Variants in UGT2B7 observed in about 807,000 individuals in gnomAD.
UGT2B7 encodes UDP-glucuronosyltransferase 2B7.
UGT2B7 carries 51 observed loss-of-function variants against 51.9 expected under a neutral mutation model. The ratio of observed to expected loss-of-function variants is 0.98; its 90% confidence interval spans 0.78 to 1.24. UGT2B7 has a LOEUF of 1.24. Ranked by LOEUF, UGT2B7 falls within the 50% of genes most tolerant of loss-of-function variation. The pLI is 0.00. For synonymous variants in UGT2B7, 225 were observed against 211.6 expected, an observed-to-expected ratio of 1.06 and a Z score of -0.55; for missense variants, 727 against 628.4, an observed-to-expected ratio of 1.16 and a Z score of -1.68.
chr4:69,093,145 T>C (rs1438695442), upstream of UGT2B7, among the ~76,000 whole-genome samples: 1 of 152,028 alleles, frequency 6.6e-6, no homozygotes, highest in Non-Finnish European at 1.5e-5. Flanking sequence ...CTAAGAACAA[T>C]GGTGGAAATG....
intron 1 of UGT2B7, among the ~76,000 whole-genome samples, chr4:69,082,213 C>A (rs1560504351): frequency 6.6e-6 from 1 of 151,908 alleles, no homozygotes; most frequent in East Asian, 1.9e-4. Flanking sequence ...TTTCCTGAGA[C>A]ACAACAACAT....
intron 1 of UGT2B7, among the ~76,000 whole-genome samples, chr4:69,074,803 T>C (rs1272637800): frequency 2.6e-5 from 4 of 152,152 alleles, no homozygotes. Flanking sequence ...CAAGCATCTA[T>C]TCATAGAATT....
chr4:69,107,319 A>G, intron 4 of UGT2B7, 57 bp downstream of exon 4: 1 of 1,499,934 alleles, frequency 6.7e-7, no homozygotes, highest in Middle Eastern at 1.8e-4. Context: ...TAGAGTGTTA[A>G]TAGTTCATCA....
chr4:69,088,303 T>C (rs1006838336), intron 1 of UGT2B7, among the ~76,000 whole-genome samples: 1 of 151,436 alleles, frequency 6.6e-6, no homozygotes, highest in African/African-American at 2.4e-5. Flanking sequence ...TTTCCACTTC[T>C]TTGCAAAATT....
intron 1 of UGT2B7, among the ~76,000 whole-genome samples, chr4:69,083,593 T>C (rs1285984421): frequency 6.6e-6 from 1 of 152,078 alleles, no homozygotes; most frequent in African/African-American, 2.4e-5. Context: ...ATTGTAAAGA[T>C]CTTATATTTT....
At chr4:69,062,549 G>T (rs1055773577) in intron 1 of UGT2B7, among the ~76,000 whole-genome samples, 4 of 152,076 alleles carry the variant, frequency 2.6e-5, no homozygotes, top group Admixed American at 1.3e-4. Context: ...TGTTAAAATT[G>T]CAGGTATCGT....
intron 1 of UGT2B7, among the ~76,000 whole-genome samples, 174 bp from the exon 2 acceptor site, chr4:69,098,366 G>A (rs945978073): frequency 7.9e-5 from 12 of 151,748 alleles, no homozygotes; most frequent in African/African-American, 2.7e-4. Flanking sequence ...ATACACATGG[G>A]CAAAATATGT....
intron 4 of UGT2B7, 124 bp from the exon 5 acceptor site, chr4:69,107,979 T>C (rs1372665607): frequency 7.7e-7 from 1 of 1,296,446 alleles, no homozygotes; most frequent in Non-Finnish European, 1.1e-6. Flanking sequence ...TCCTCCGAAG[T>C]CTGAAACACA....
intron 1 of UGT2B7, chr4:69,067,510 G>C (rs533581564): frequency 6.4e-6 from 1 of 155,872 alleles, no homozygotes; most frequent in Admixed American, 6.5e-5. Context: ...GCAGATCAAC[G>C]TGACAACTTT....
chr4:69,062,657 G>C (rs941413831), intron 1 of UGT2B7, among the ~76,000 whole-genome samples: 1 of 152,148 alleles, frequency 6.6e-6, no homozygotes, highest in Non-Finnish European at 1.5e-5. Context: ...CCTGCAATGA[G>C]ACCACATTGC....
intron 1 of UGT2B7, among the ~76,000 whole-genome samples, chr4:69,085,973 G>T (rs2109876498): frequency 6.6e-6 from 1 of 151,168 alleles, no homozygotes; most frequent in South Asian, 2.1e-4. Flanking sequence ...GTTTTGTCTT[G>T]TTGATTTTTA....
chr4:69,082,057 AT>A (rs1472174802), intron 1 of UGT2B7, among the ~76,000 whole-genome samples: 1 of 152,036 alleles, frequency 6.6e-6, no homozygotes, highest in East Asian at 1.9e-4. Context: ...GTGATCTGTG[AT>A]TGGTGATTTT....
intron 1 of UGT2B7, among the ~76,000 whole-genome samples, chr4:69,074,295 C>T (rs1333720609): frequency 1.3e-5 from 2 of 152,062 alleles, no homozygotes; most frequent in African/African-American, 4.8e-5. Flanking sequence ...GAGTTGTGAT[C>T]ATACCACTGC....
chr4:69,054,892 G>C (rs1328908257), intron 1 of UGT2B7, among the ~76,000 whole-genome samples: 1 of 151,678 alleles, frequency 6.6e-6, no homozygotes, highest in African/African-American at 2.4e-5. Flanking sequence ...AAGTCACTGA[G>C]GTAGGAAAAA....
At chr4:69,079,079 G>A (rs542605757) in intron 1 of UGT2B7, among the ~76,000 whole-genome samples, 81 of 152,276 alleles carry the variant, frequency 5.3e-4, no homozygotes, top group African/African-American at 1.9e-3. Context: ...ATAGGAAGCT[G>A]AGCCCTCCAG....
chr4:69,104,302 A>G (rs1353210672), intron 3 of UGT2B7, among the ~76,000 whole-genome samples: 1 of 152,110 alleles, frequency 6.6e-6, no homozygotes, highest in African/African-American at 2.4e-5. Flanking sequence ...TGTAGATTCT[A>G]CTGTAGTATA....
At chr4:69,057,588 A>G (rs1013460383) in intron 1 of UGT2B7, among the ~76,000 whole-genome samples, 11 of 152,246 alleles carry the variant, frequency 7.2e-5, no homozygotes, top group African/African-American at 2.7e-4. Flanking sequence ...ATCCATATTC[A>G]TAACAGCACT....
At chr4:69,082,211 G>A (rs1024318781) in intron 1 of UGT2B7, among the ~76,000 whole-genome samples, 1 of 151,902 alleles carries the variant, frequency 6.6e-6, no homozygotes, top group African/African-American at 2.4e-5. Flanking sequence ...TATTTCCTGA[G>A]ACACAACAAC....
intron 1 of UGT2B7, among the ~76,000 whole-genome samples, chr4:69,057,077 T>C (rs1718220823): frequency 6.6e-6 from 1 of 152,196 alleles, no homozygotes; most frequent in South Asian, 2.1e-4. Flanking sequence ...TAGAAGAACA[T>C]GGTGAAACTC....
Sources: allele counts gnomAD v4.1 joint callset (sites outside exome capture counted in the v4.1 genomes callset), GRCh38; gene constraint gnomAD v4.1.1; transcripts MANE v1.5; gene names NCBI Gene and HGNC (gene_info 2026-07-23, HGNC 2026-07-21).